GPD1L: variants seen among roughly 807,000 people sequenced by gnomAD.
GPD1L encodes glycerol-3-phosphate dehydrogenase 1 like.
A neutral mutation model predicts 32.9 loss-of-function variants in GPD1L; 17 were observed. The ratio of observed to expected loss-of-function variants is 0.52; its 90% CI spans 0.35 to 0.78. GPD1L has a LOEUF of 0.78. Ranked by LOEUF, GPD1L falls within the 30% of genes least tolerant of loss-of-function variation. The pLI is 0.01. For missense variants in GPD1L, 361 were observed against 447.8 expected (o/e 0.81, Z 1.75); for synonymous variants, 187 against 165.9 (o/e 1.13, Z -0.98).
chr3:32,129,305 G>A (rs1322652636), intron 2 of GPD1L, among the ~76,000 whole-genome samples: 15 of 152,190 alleles, frequency 9.9e-5, no homozygotes, highest in Admixed American at 8.5e-4. Context: ...GGGTGCTGGG[G>A]ACAGAAAGAG....
At chr3:32,163,607 G>A (rs1413573925) in intron 7 of GPD1L, among the ~76,000 whole-genome samples, 1 of 152,170 alleles carries the variant, frequency 6.6e-6, no homozygotes, top group African/African-American at 2.4e-5. Context: ...GATGGGCAGT[G>A]TAGCCTAATG....
At position 32,128,325 on chromosome 3, in the gene GPD1L, T is replaced by C. The variant is rs1318125739; in HGVS notation, c.225+72T>C. ...GCTTGGCTGAGCAGCACTTGGGTTT[T>C]GGAACTGGGAAAGCTGCTTCCCTTT... On this transcript the variant is annotated intron_variant, in intron 2 of 7. Coordinates refer to ENST00000282541, the MANE Select transcript of GPD1L (RefSeq NM_015141.4). The C allele has an allele frequency of 2.4e-6, 3 of 1,254,724 alleles. No homozygotes were observed. The African/African-American group carries it at 4.4e-5, about 18-fold the overall frequency. The allele number at this position is 1,254,724 out of a possible 1,614,324, so 77.7% of individuals were successfully genotyped here.
chr3:32,146,619 C>T lies in GPD1L; in HGVS notation c.506-3C>T. The stretch of plus-strand genomic sequence containing the variant: ...ATATCCTTGTTGTCTAACCTTTCAA[C>T]AGGCAGCAAAGTAATGGAGAACGGC... On this transcript the variant is annotated splice_polypyrimidine_tract_variant and splice_region_variant and intron_variant, in intron 4 of 7. Coordinates refer to ENST00000282541, the MANE Select transcript of GPD1L (RefSeq NM_015141.4). The T allele has an allele frequency of 1.3e-6, 2 of 1,572,746 alleles. No homozygotes were observed. The highest frequency in any genetic ancestry group is 1.3e-5 in the African/African-American group (1 of 74,188).
chr3:32,135,242 A>G (rs1700646987), intron 2 of GPD1L, among the ~76,000 whole-genome samples: 2 of 152,198 alleles, frequency 1.3e-5, no homozygotes, highest in South Asian at 4.1e-4. Context: ...TCAGGCGGCC[A>G]GGCTCCATAT....
At chr3:32,124,055 ATTTC>A (rs141706769) in intron 1 of GPD1L, among the ~76,000 whole-genome samples, 6 of 151,416 alleles carry the variant, frequency 4.0e-5, no homozygotes, top group East Asian at 2.0e-4. Flanking sequence ...GGCCAGTCAC[ATTTC>A]TTTCTTTCTT....
At chr3:32,149,813 G>C (rs1700885271) in intron 5 of GPD1L, among the ~76,000 whole-genome samples, 1 of 152,172 alleles carries the variant, frequency 6.6e-6, no homozygotes, top group African/African-American at 2.4e-5. Flanking sequence ...GCTGGGCGTG[G>C]TGGTGTGTGC....
chr3:32,130,449 C>T (rs1700571254), intron 2 of GPD1L, among the ~76,000 whole-genome samples: 1 of 152,132 alleles, frequency 6.6e-6, no homozygotes, highest in Admixed American at 6.5e-5. Context: ...CACAAGCTCA[C>T]TGTTTATGCT....
intron 2 of GPD1L, among the ~76,000 whole-genome samples, chr3:32,135,716 G>T (rs1464485330): frequency 6.6e-6 from 1 of 152,196 alleles, no homozygotes; most frequent in Non-Finnish European, 1.5e-5. Flanking sequence ...GCCTCCCCAA[G>T]TGCTGGGATT....
At chr3:32,145,931 C>T (rs956037705) in intron 4 of GPD1L, among the ~76,000 whole-genome samples, 1 of 152,100 alleles carries the variant, frequency 6.6e-6, no homozygotes, top group African/African-American at 2.4e-5. Context: ...ACGAACCTCA[C>T]ATGCCCGTCA....
At position 32,155,521 on chromosome 3, in the gene GPD1L, G is replaced by A. The variant is rs527755500; in HGVS notation, c.619-3355G>A. Among the ~76,000 whole-genome samples the A allele has an allele frequency of 2.6e-5, 4 of 152,212 alleles. No homozygotes were observed. In the South Asian group the frequency reaches 8.3e-4, roughly 32 times the overall value. On this transcript the variant is annotated intron_variant, in intron 5 of 7. Transcript: ENST00000282541. ...CAGAATGGTTCATGTTGTGATGGAG[G>A]GGGAAATAGGGACACAGTCCAGGGG...
chr3:32,152,321 G>A (rs1486893849), intron 5 of GPD1L, among the ~76,000 whole-genome samples: 3 of 152,250 alleles, frequency 2.0e-5, no homozygotes, highest in East Asian at 3.9e-4. Flanking sequence ...AGGGATCCAG[G>A]CTTCTTCCAG....
chr3:32,147,409 G>A (rs904889428), intron 5 of GPD1L, among the ~76,000 whole-genome samples: 15 of 152,196 alleles, frequency 9.9e-5, no homozygotes, highest in Admixed American at 5.9e-4. Context: ...TGTAGTTTAT[G>A]TTATCTTTTT....
At position 32,158,916 on chromosome 3, in the gene GPD1L, G is replaced by A. The variant is rs72546648; in HGVS notation, c.659G>A (p.Arg220His). The change falls in exon 6 of 8, where the codon CGC becomes CAC. Residue 220 changes from arginine to histidine, a missense_variant. Transcript: ENST00000282541. ...GGAGCTGGGTTCTGCGACGGCCTCCGCTGTGGAGACAACACCAAAGCGGCC... is the reference window on the plus strand; with the variant it reads ...GGAGCTGGGTTCTGCGACGGCCTCCACTGTGGAGACAACACCAAAGCGGCC... ...AVGAGFCDGL[R>H]CGDNTKAAVI... 2.2e-4 allele frequency: 350 copies of A among 1,614,058 alleles called. 1 individual carries two copies. In the African/African-American group the frequency reaches 2.9e-3, roughly 13 times the overall value.
chr3:32,135,440 G>GT (rs1700649121), intron 2 of GPD1L, among the ~76,000 whole-genome samples: 2 of 151,210 alleles, frequency 1.3e-5, no homozygotes, highest in Non-Finnish European at 1.5e-5. Flanking sequence ...CGAGAGGGTT[G>GT]TTTTTTTGTT....
At chr3:32,116,001 G>T (rs1374554226) in intron 1 of GPD1L, among the ~76,000 whole-genome samples, 2 of 151,848 alleles carry the variant, frequency 1.3e-5, no homozygotes, top group East Asian at 1.9e-4. Flanking sequence ...TGTTAGCCAG[G>T]ATGGTCTCGA....
intron 5 of GPD1L, chr3:32,151,434 C>G (rs1700917587): frequency 1.8e-6 from 1 of 544,606 alleles, no homozygotes; most frequent in South Asian, 2.5e-5. Flanking sequence ...CCCCTGATGT[C>G]TACAATATCA....
intron 4 of GPD1L, among the ~76,000 whole-genome samples, chr3:32,141,347 A>G (rs1373027078): frequency 6.6e-6 from 1 of 152,220 alleles, no homozygotes; most frequent in Non-Finnish European, 1.5e-5. Context: ...AATCAAAAGA[A>G]AGCCATTTTA....
chr3:32,162,410 G>C (rs1403659673), intron 7 of GPD1L, among the ~76,000 whole-genome samples: 1 of 57,124 alleles, frequency 1.8e-5, no homozygotes, highest in Admixed American at 1.4e-4. Context: ...ACGGAGTCTC[G>C]CTCTGTCGCC....
rs1457939985 is a variant in GPD1L, at chr3:32,138,546, A to G, written c.226-41A>G. 5 of 1,606,344 alleles carry G rather than the reference A, an allele frequency of 3.1e-6. No individual in the cohort carries two copies. The Admixed American group carries it at 5.0e-5, about 16-fold the overall frequency. ...AAACCTTGTGGACAGGCAAGGTTTG[A>G]TATAAGAGGAGAAACGGTCTTCTCT... On this transcript the variant is annotated intron_variant, in intron 2 of 7. Transcript: ENST00000282541.
Sources: allele counts gnomAD v4.1 joint callset (sites outside exome capture counted in the v4.1 genomes callset), GRCh38; gene constraint gnomAD v4.1.1; transcripts MANE v1.5; gene names NCBI Gene and HGNC (gene_info 2026-07-23, HGNC 2026-07-21).